Variants in MMD observed in about 807,000 individuals in gnomAD.
The protein encoded by MMD is monocyte to macrophage differentiation associated.
In MMD, 22 loss-of-function variants were observed where a neutral mutation model predicts 33.6. The ratio of observed to expected loss-of-function variants is 0.66; its 90% CI spans 0.47 to 0.94. The LOEUF (loss-of-function observed/expected upper bound fraction) is 0.94, where lower values mean the gene tolerates loss of function less well. MMD is among the 40% of genes least tolerant of loss of function. MMD has a pLI of 0.00. For synonymous variants in MMD, 97 were observed against 103.2 expected (o/e 0.94, Z 0.36); for missense variants, 242 against 309.8 (o/e 0.78, Z 1.64).
intron 5 of MMD, among the ~76,000 whole-genome samples, chr17:55,403,169 G>C (rs1440138171): frequency 6.6e-6 from 1 of 152,188 alleles, no homozygotes; most frequent in East Asian, 1.9e-4. Context: ...AGTTGGAATA[G>C]GGGACCTTGA....
chr17:55,416,897 C>T (rs1285754493), intron 1 of MMD, among the ~76,000 whole-genome samples: 1 of 152,114 alleles, frequency 6.6e-6, no homozygotes, highest in Non-Finnish European at 1.5e-5. Context: ...CTTAATAAAG[C>T]TACTAGTTAG....
rs765591043 is a variant in MMD at position 55,421,724 on chromosome 17, G to A, written c.-29C>T. On this transcript the variant is annotated 5_prime_UTR_variant, in exon 1 of 7. Transcript: ENST00000262065. ...TCCTCTGCTCCTCCTCGGGGGCCAGGAGCTCCGTCTCGTCAGCACCGGCGG... is the reference window on the plus strand; with the variant it reads ...TCCTCTGCTCCTCCTCGGGGGCCAGAAGCTCCGTCTCGTCAGCACCGGCGG... The A allele has an allele frequency of 5.7e-6, 9 of 1,584,078 alleles. No homozygotes were observed. The highest frequency in any genetic ancestry group is 2.2e-5 in the South Asian group (2 of 89,194).
At chr17:55,415,894 C>T (rs1358662166) in intron 1 of MMD, among the ~76,000 whole-genome samples, 1 of 152,180 alleles carries the variant, frequency 6.6e-6, no homozygotes, top group Non-Finnish European at 1.5e-5. Context: ...ATATAGTTAA[C>T]TATTATTAAG....
At chr17:55,400,058 C>T (rs999407529) in intron 6 of MMD, among the ~76,000 whole-genome samples, 1 of 152,134 alleles carries the variant, frequency 6.6e-6, no homozygotes, top group Non-Finnish European at 1.5e-5. Flanking sequence ...TCCTCCTTAC[C>T]ATTCCCTGTT....
intron 6 of MMD, among the ~76,000 whole-genome samples, chr17:55,400,480 C>T (rs993006721): frequency 4.0e-5 from 6 of 149,244 alleles, no homozygotes; most frequent in African/African-American, 1.5e-4. Flanking sequence ...ACTCAGGAGG[C>T]GGAGGTTGCA....
At chr17:55,409,185 G>A (rs1032294401) in intron 3 of MMD, among the ~76,000 whole-genome samples, 2 of 152,220 alleles carry the variant, frequency 1.3e-5, no homozygotes, top group African/African-American at 4.8e-5. Flanking sequence ...GTCTAAAGAA[G>A]CAAACATTAC....
intron 1 of MMD, among the ~76,000 whole-genome samples, chr17:55,417,005 C>T (rs991628675): frequency 6.6e-6 from 1 of 152,170 alleles, no homozygotes; most frequent in Non-Finnish European, 1.5e-5. Context: ...CCCCCATACC[C>T]CTCTCCCATG....
chr17:55,407,620 CAGG>C, intron 4 of MMD, 123 bp downstream of exon 4: 1 of 772,982 alleles, frequency 1.3e-6, no homozygotes, highest in Non-Finnish European at 2.1e-6. Context: ...TGTATGTGTT[CAGG>C]AGGAGGGAAG....
At chr17:55,398,459 C>T (rs1204512051) in intron 6 of MMD, among the ~76,000 whole-genome samples, 1 of 151,852 alleles carries the variant, frequency 6.6e-6, no homozygotes, top group East Asian at 1.9e-4. Flanking sequence ...GTCTTTTGAT[C>T]TGTGTCTATT....
intron 5 of MMD, among the ~76,000 whole-genome samples, chr17:55,402,062 T>TG (rs1250425128): frequency 7.8e-6 from 1 of 128,234 alleles, no homozygotes; most frequent in African/African-American, 3.1e-5. Flanking sequence ...CCATCCAGTC[T>TG]GGGTGACAGA....
intron 2 of MMD, among the ~76,000 whole-genome samples, chr17:55,411,695 G>GT (rs11362550): frequency 7.6e-4 from 112 of 147,622 alleles, no homozygotes; most frequent in Middle Eastern, 7.0e-3. Flanking sequence ...AAAACAGATG[G>GT]TTTTTTTTTT....
At chr17:55,394,978 A>C (rs1177299659) in intron 6 of MMD, among the ~76,000 whole-genome samples, 1 of 152,156 alleles carries the variant, frequency 6.6e-6, no homozygotes, top group Non-Finnish European at 1.5e-5. Flanking sequence ...TCCTTCTCAA[A>C]CACTGTTCTA....
intron 5 of MMD, among the ~76,000 whole-genome samples, chr17:55,401,794 C>A (rs1395157188): frequency 1.3e-5 from 2 of 152,144 alleles, no homozygotes; most frequent in African/African-American, 2.4e-5. Flanking sequence ...TTTCTGCCGG[C>A]CGGGCACGGT....
intron 1 of MMD, among the ~76,000 whole-genome samples, chr17:55,416,695 C>T (rs1567852126): frequency 1.3e-5 from 2 of 152,342 alleles, no homozygotes; most frequent in East Asian, 1.9e-4. Context: ...AACTCCCACA[C>T]TCTGGCCTTC....
Position 55,416,944 on chromosome 17 carries a change from C to T in MMD, c.27-2712G>A, listed in dbSNP as rs73316300. On this transcript the variant is annotated intron_variant, in intron 1 of 6. Transcript: ENST00000262065. The stretch of plus-strand genomic sequence containing the variant: ...TTACTCATTCCTTCACTTTCTCTTT[C>T]AAAACTCTCCTGCCTTCCCCCTTGC... Among the ~76,000 whole-genome samples the T allele has an allele frequency of 5.4e-3, 828 of 152,210 alleles. 7 individuals carry two copies. The highest frequency in any genetic ancestry group is 0.019 in the African/African-American group (781 of 41,508).
At chr17:55,397,444 T>C (rs1387816926) in intron 6 of MMD, among the ~76,000 whole-genome samples, 1 of 152,186 alleles carries the variant, frequency 6.6e-6, no homozygotes, top group Non-Finnish European at 1.5e-5. Flanking sequence ...GACATTAATA[T>C]TACTAAACTG....
At chr17:55,413,694 C>T (rs1252719020) in intron 2 of MMD, among the ~76,000 whole-genome samples, 3 of 152,138 alleles carry the variant, frequency 2.0e-5, no homozygotes, top group Admixed American at 2.0e-4. Flanking sequence ...GAAGCAATGG[C>T]CACTGTAGGA....
rs540536739 is a variant in MMD, at chr17:55,403,609, T to C, written c.446+158A>G. On this transcript the variant is annotated intron_variant, in intron 5 of 6. Coordinates refer to ENST00000262065, the MANE Select transcript of MMD (RefSeq NM_012329.3). Reference sequence around the variant, plus strand: ...TCCACAGCAATCTTTCCACTAATAATGAATACCAAATGGTTTTGAAGATTT... The same window carrying C: ...TCCACAGCAATCTTTCCACTAATAACGAATACCAAATGGTTTTGAAGATTT... Among the ~76,000 whole-genome samples, 139 of 152,360 alleles carry C rather than the reference T, an allele frequency of 9.1e-4. 2 individuals are homozygous for C. Among genetic ancestry groups the C allele is most frequent in the African/African-American group, 3.2e-3 (134 of 41,592 alleles).
chr17:55,401,436 G>C, intron 6 of MMD, 33 bp downstream of exon 6: 1 of 1,548,170 alleles, frequency 6.5e-7, no homozygotes, highest in Non-Finnish European at 8.8e-7. Flanking sequence ...CAGCTTAAAA[G>C]AAAATAACTA....
Sources: allele counts gnomAD v4.1 joint callset (sites outside exome capture counted in the v4.1 genomes callset), GRCh38; gene constraint gnomAD v4.1.1; transcripts MANE v1.5; gene names NCBI Gene and HGNC (gene_info 2026-07-23, HGNC 2026-07-21).